The following NEK11 variants were observed in gnomAD, a reference collection of about 807,000 sequenced individuals.
NEK11 encodes NIMA related kinase 11, also known as serine/threonine-protein kinase Nek11.
A neutral mutation model predicts 80.7 loss-of-function variants in NEK11; 72 were observed. The ratio of observed to expected loss-of-function variants is 0.89; its 90% CI spans 0.74 to 1.08. The LOEUF is 1.08. Among genes scored for constraint, NEK11 ranks in the 50% least tolerant of loss-of-function variants. The pLI, the probability that NEK11 is intolerant of heterozygous loss-of-function variation, is 0.00. For synonymous variants in NEK11, 251 were observed against 260.7 expected, an observed-to-expected ratio of 0.96 and a Z score of 0.36; for missense variants, 764 against 763.6, an observed-to-expected ratio of 1.00 and a Z score of -0.01.
At chr3:131,211,517 C>T (rs1297383469) in intron 14 of NEK11, among the ~76,000 whole-genome samples, 3 of 152,130 alleles carry the variant, frequency 2.0e-5, no homozygotes, top group Admixed American at 2.0e-4. Context: ...GTTGGCCTGC[C>T]TTGCTAGGTT....
At chr3:131,196,984 C>T (rs1486462520) in intron 14 of NEK11, among the ~76,000 whole-genome samples, 1 of 152,016 alleles carries the variant, frequency 6.6e-6, no homozygotes, top group Non-Finnish European at 1.5e-5. Flanking sequence ...AATCATTGTC[C>T]CTCCCACTGT....
At chr3:131,194,106 G>T (rs1049974487) in intron 14 of NEK11, among the ~76,000 whole-genome samples, 1 of 152,144 alleles carries the variant, frequency 6.6e-6, no homozygotes, top group African/African-American at 2.4e-5. Flanking sequence ...GCCCCTAGTG[G>T]CATGGATTTC....
chr3:131,191,977 G>A (rs1047377200), intron 14 of NEK11, among the ~76,000 whole-genome samples: 9 of 151,998 alleles, frequency 5.9e-5, no homozygotes, highest in Non-Finnish European at 1.0e-4. Flanking sequence ...ATGTATCAAA[G>A]AACAGTATCA....
intron 17 of NEK11, among the ~76,000 whole-genome samples, chr3:131,288,764 A>G (rs939700576): frequency 6.6e-6 from 1 of 151,980 alleles, no homozygotes; most frequent in African/African-American, 2.4e-5. Flanking sequence ...TATGGTATGC[A>G]TTTCTGTGTT....
At chr3:131,309,568 T>C (rs1479479932) in intron 17 of NEK11, among the ~76,000 whole-genome samples, 2 of 151,884 alleles carry the variant, frequency 1.3e-5, no homozygotes, top group Non-Finnish European at 2.9e-5. Context: ...ACCAAGATTC[T>C]TTATGAACTG....
At chr3:131,191,237 A>G (rs1373431344) in intron 14 of NEK11, among the ~76,000 whole-genome samples, 1 of 152,182 alleles carries the variant, frequency 6.6e-6, no homozygotes, top group East Asian at 1.9e-4. Context: ...TAAGCAATGC[A>G]AATGGACTCT....
chr3:131,147,724 C>T (rs932367695), intron 7 of NEK11, among the ~76,000 whole-genome samples: 109 of 152,012 alleles, frequency 7.2e-4, no homozygotes, highest in African/African-American at 2.4e-3. Flanking sequence ...TTGCGTAATT[C>T]CCTCGTTAAT....
intron 11 of NEK11, among the ~76,000 whole-genome samples, chr3:131,164,143 A>G (rs1444077444): frequency 6.6e-6 from 1 of 152,214 alleles, no homozygotes; most frequent in Non-Finnish European, 1.5e-5. Context: ...TCTTTAATAA[A>G]TTGGTAGAGA....
At chr3:131,048,103 A>G (rs1263795990) in intron 3 of NEK11, among the ~76,000 whole-genome samples, 1 of 152,134 alleles carries the variant, frequency 6.6e-6, no homozygotes, top group Non-Finnish European at 1.5e-5. Flanking sequence ...ACGTATCCCA[A>G]AAGGCCAGTG....
At chr3:131,126,012 C>G (rs917035277) in intron 5 of NEK11, among the ~76,000 whole-genome samples, 1 of 152,136 alleles carries the variant, frequency 6.6e-6, no homozygotes, top group Non-Finnish European at 1.5e-5. Context: ...TTTTCTAAAG[C>G]CACAACCCCA....
intron 6 of NEK11, chr3:131,133,227 T>G (rs1391651755): frequency 4.4e-6 from 2 of 454,312 alleles, no homozygotes; most frequent in Non-Finnish European, 4.4e-6. Context: ...GTTGATATAA[T>G]GGCTTTATTA....
intron 10 of NEK11, among the ~76,000 whole-genome samples, chr3:131,159,063 G>A (rs1010466104): frequency 7.2e-5 from 11 of 152,172 alleles, no homozygotes; most frequent in African/African-American, 2.7e-4. Context: ...AACAAAACCA[G>A]TCTACTGAAT....
intron 5 of NEK11, among the ~76,000 whole-genome samples, chr3:131,126,959 CTTTTTTTTT>C (rs71133688): frequency 2.2e-5 from 2 of 90,114 alleles, no homozygotes; most frequent in Non-Finnish European, 4.2e-5. Context: ...TTCTTTCTTT[CTTTTTTTTT>C]TTTTTTTTTT....
intron 14 of NEK11, chr3:131,174,962 A>T (rs1374073785): frequency 1.4e-6 from 2 of 1,398,808 alleles, no homozygotes; most frequent in Non-Finnish European, 1.9e-6. Context: ...CCACTCTTTA[A>T]GCAATCACTG....
intron 7 of NEK11, among the ~76,000 whole-genome samples, chr3:131,138,543 G>A (rs575085416): frequency 6.6e-6 from 1 of 152,188 alleles, no homozygotes; most frequent in South Asian, 2.1e-4. Flanking sequence ...TGCTTGTAGA[G>A]CTCCAGGGCC....
chr3:131,103,508 C>T (rs952582166), intron 4 of NEK11, among the ~76,000 whole-genome samples: 6 of 152,166 alleles, frequency 3.9e-5, no homozygotes, highest in African/African-American at 1.4e-4. Context: ...GGTAGAGGCT[C>T]TTACTCTGCT....
chr3:131,066,227 A>G (rs2071919325), intron 3 of NEK11, among the ~76,000 whole-genome samples: 1 of 152,184 alleles, frequency 6.6e-6, no homozygotes, highest in Non-Finnish European at 1.5e-5. Context: ...CCGCTGCTTT[A>G]TATTTTAAAT....
chr3:131,267,783 G>T (rs2096090634), intron 16 of NEK11, among the ~76,000 whole-genome samples: 2 of 152,114 alleles, frequency 1.3e-5, no homozygotes. Flanking sequence ...TATCTTTGTG[G>T]TGTTCTCTGT....
At chr3:131,028,710 C>T (rs1201208915) in intron 2 of NEK11, among the ~76,000 whole-genome samples, 1 of 152,104 alleles carries the variant, frequency 6.6e-6, no homozygotes, top group Non-Finnish European at 1.5e-5. Flanking sequence ...TGCAGGCGCC[C>T]GCTACAATGC....
Sources: gnomAD v4.1 joint callset for allele counts (sites outside exome capture counted in the v4.1 genomes callset) on GRCh38, gnomAD v4.1.1 for gene constraint, MANE v1.5 for transcripts, NCBI Gene and HGNC (gene_info 2026-07-23, HGNC 2026-07-21) for gene names.